TSPAN5: variants seen among roughly 807,000 people sequenced by gnomAD.
The protein encoded by TSPAN5 is tetraspanin-5.
TSPAN5 carries 10 observed loss-of-function variants against 37.1 expected under a neutral mutation model. The ratio of observed to expected loss-of-function variants is 0.27; its 90% CI spans 0.17 to 0.46. TSPAN5 has a LOEUF of 0.46. Among genes scored for constraint, TSPAN5 ranks in the 20% least tolerant of loss-of-function variants. TSPAN5 has a pLI of 1.00. For synonymous variants in TSPAN5, 110 were observed against 118.9 expected (o/e 0.93, Z 0.48); for missense variants, 195 against 326.6 (o/e 0.60, Z 3.11).
intron 1 of TSPAN5, among the ~76,000 whole-genome samples, chr4:98,536,094 TGGA>T (rs1754226720): frequency 6.6e-6 from 1 of 152,196 alleles, no homozygotes; most frequent in South Asian, 2.1e-4. Flanking sequence ...TGTAATCCCT[TGGA>T]GGAGAAGAGG....
chr4:98,558,472 GGGTAAAC>G (rs1754799432), intron 1 of TSPAN5, among the ~76,000 whole-genome samples: 1 of 152,182 alleles, frequency 6.6e-6, no homozygotes. Flanking sequence ...AGCGAAGGGA[GGGTAAAC>G]GGCTTGTGCA....
intron 1 of TSPAN5, among the ~76,000 whole-genome samples, chr4:98,618,608 A>G (rs1489232544): frequency 6.6e-6 from 1 of 152,160 alleles, no homozygotes; most frequent in Non-Finnish European, 1.5e-5. Context: ...CATATGAAGG[A>G]TAAGTAACTT....
chr4:98,606,664 T>A (rs538790584), intron 1 of TSPAN5, among the ~76,000 whole-genome samples: 1 of 152,322 alleles, frequency 6.6e-6, no homozygotes, highest in South Asian at 2.1e-4. Context: ...GTGAGACAGC[T>A]TATGCAATTA....
At chr4:98,647,769 C>G (rs1163397875) in intron 1 of TSPAN5, among the ~76,000 whole-genome samples, 2 of 151,772 alleles carry the variant, frequency 1.3e-5, no homozygotes, top group Admixed American at 1.3e-4. Context: ...TAACAATCCT[C>G]TATGTACATA....
intron 4 of TSPAN5, among the ~76,000 whole-genome samples, chr4:98,480,570 A>G (rs76706781): frequency 0.021 from 3,242 of 152,310 alleles, 35 homozygotes; most frequent in African/African-American, 0.036. Context: ...TTCCGGACCA[A>G]CAGCTACTTC....
At chr4:98,587,675 G>A (rs1176810650) in intron 1 of TSPAN5, among the ~76,000 whole-genome samples, 1 of 152,090 alleles carries the variant, frequency 6.6e-6, no homozygotes, top group African/African-American at 2.4e-5. Flanking sequence ...AGATCACGAG[G>A]TCAGGAGATT....
rs1455277434 is a variant in TSPAN5, at chr4:98,485,126, AAAG to A, written c.279+1609_279+1611del. On this transcript the variant is annotated intron_variant, in intron 3 of 7. Transcript: ENST00000305798. ...GAAACTCCATCTAAAAAAAAAAAAAAAAGGATCCCACATTTTGGGGCATGGAGG... is the reference window on the plus strand; with the variant it reads ...GAAACTCCATCTAAAAAAAAAAAAAAGATCCCACATTTTGGGGCATGGAGG... 9.7e-5 allele frequency: 14 copies of A among 143,668 alleles called. No homozygotes were observed. The South Asian group carries it at 3.1e-3, about 31-fold the overall frequency. 8.9% of individuals were successfully genotyped at this position (143,668 alleles called of 1,614,324 possible).
intron 7 of TSPAN5, among the ~76,000 whole-genome samples, chr4:98,473,484 G>C (rs1418724634): frequency 7.2e-6 from 1 of 138,968 alleles, no homozygotes; most frequent in Admixed American, 7.9e-5. Flanking sequence ...ACGGAGTCTC[G>C]CTCTGTCGCC....
intron 1 of TSPAN5, among the ~76,000 whole-genome samples, chr4:98,657,223 A>G (rs1757311359): frequency 6.6e-6 from 1 of 152,210 alleles, no homozygotes. Flanking sequence ...ACAAACAAAC[A>G]AAAAGAGTAG....
At chr4:98,522,723 T>G in intron 1 of TSPAN5, among the ~76,000 whole-genome samples, 1 of 152,224 alleles carries the variant, frequency 6.6e-6, no homozygotes, top group East Asian at 1.9e-4. Context: ...TAAAATGTTC[T>G]ATACACTGAG....
chr4:98,613,418 G>A, intron 1 of TSPAN5, among the ~76,000 whole-genome samples: 1 of 152,104 alleles, frequency 6.6e-6, no homozygotes, highest in Non-Finnish European at 1.5e-5. Flanking sequence ...AGGATATTAT[G>A]GTTTCAACAA....
At chr4:98,611,832 A>C (rs920394421) in intron 1 of TSPAN5, among the ~76,000 whole-genome samples, 15 of 152,238 alleles carry the variant, frequency 9.9e-5, no homozygotes, top group Non-Finnish European at 2.2e-4. Context: ...GAAACAGAAA[A>C]GAACACCCTC....
At chr4:98,495,889 TCTG>T (rs1753200288) in intron 2 of TSPAN5, among the ~76,000 whole-genome samples, 1 of 152,192 alleles carries the variant, frequency 6.6e-6, no homozygotes, top group South Asian at 2.1e-4. Flanking sequence ...CTGGGACTCT[TCTG>T]CTTTTGCATA....
intron 1 of TSPAN5, among the ~76,000 whole-genome samples, chr4:98,521,034 C>T (rs559631975): frequency 5.9e-5 from 9 of 152,122 alleles, no homozygotes; most frequent in African/African-American, 1.4e-4. Flanking sequence ...CCGGTTCAAG[C>T]GATTCTCCTG....
intron 1 of TSPAN5, among the ~76,000 whole-genome samples, chr4:98,622,563 C>T (rs1314039303): frequency 6.6e-6 from 1 of 152,116 alleles, no homozygotes; most frequent in African/African-American, 2.4e-5. Flanking sequence ...GGGCTTCAAG[C>T]AAATGAGATA....
intron 7 of TSPAN5, 62 bp from the exon 8 acceptor site, chr4:98,472,649 G>T: frequency 7.2e-7 from 1 of 1,391,580 alleles, no homozygotes; most frequent in Non-Finnish European, 1.0e-6. Context: ...CCTGGCCACT[G>T]TGTCCCATTT....
intron 5 of TSPAN5, 102 bp from the exon 6 acceptor site, chr4:98,476,562 G>T: frequency 9.4e-7 from 1 of 1,065,346 alleles, no homozygotes. Context: ...AATAAAATGT[G>T]TATCTGGGCA....
At position 98,609,388 on chromosome 4, in the gene TSPAN5, C is replaced by T. The variant is rs186020181; in HGVS notation, c.81+48758G>A. Among the ~76,000 whole-genome samples the T allele has an allele frequency of 4.3e-3, 661 of 152,210 alleles. 13 individuals are homozygous for T. Among genetic ancestry groups the T allele is most frequent in the Admixed American group, 0.024 (366 of 15,272 alleles). On this transcript the variant is annotated intron_variant, in intron 1 of 7. Coordinates refer to ENST00000305798, the MANE Select transcript of TSPAN5 (RefSeq NM_005723.4). Reference sequence around the variant, plus strand: ...TGGGGGAGAGGGCCAGGGCAGTGCTCGGAATGCTGGAGGTAAAACCAGATG... The same window carrying T: ...TGGGGGAGAGGGCCAGGGCAGTGCTTGGAATGCTGGAGGTAAAACCAGATG...
chr4:98,534,199 G>C (rs1178704883), intron 1 of TSPAN5, among the ~76,000 whole-genome samples: 2 of 152,146 alleles, frequency 1.3e-5, no homozygotes, highest in African/African-American at 4.8e-5. Context: ...GTGTCCCAGA[G>C]AGTCTGGTAT....
Sources: allele counts gnomAD v4.1 joint callset (sites outside exome capture counted in the v4.1 genomes callset), GRCh38; gene constraint gnomAD v4.1.1; transcripts MANE v1.5; gene names NCBI Gene and HGNC (gene_info 2026-07-23, HGNC 2026-07-21).